MARCHF1: variants seen among roughly 807,000 people sequenced by gnomAD.
The protein encoded by MARCHF1 is E3 ubiquitin-protein ligase MARCHF1.
Under a neutral mutation model 54.2 loss-of-function variants are expected in MARCHF1, and 40 were observed. The ratio of observed to expected loss-of-function variants is 0.74; its 90% CI spans 0.57 to 0.96. The LOEUF (loss-of-function observed/expected upper bound fraction) is 0.96, where lower values mean the gene tolerates loss of function less well. Among genes scored for constraint, MARCHF1 ranks in the 40% least tolerant of loss-of-function variants. The pLI is 0.00. For synonymous variants in MARCHF1, 236 were observed against 236.3 expected (o/e 1.00, Z 0.01); for missense variants, 586 against 656.5 (o/e 0.89, Z 1.17).
intron 1 of MARCHF1, among the ~76,000 whole-genome samples, chr4:164,131,658 A>G (rs370159912): frequency 1.4e-4 from 22 of 152,256 alleles, no homozygotes; most frequent in African/African-American, 5.3e-4. Context: ...ATTAAGGAGA[A>G]GAGCAAATCT....
chr4:163,591,750 G>A (rs1000240422), intron 7 of MARCHF1, among the ~76,000 whole-genome samples: 2 of 152,002 alleles, frequency 1.3e-5, no homozygotes, highest in Non-Finnish European at 1.5e-5. Flanking sequence ...TTTATGTTTC[G>A]GGAAAATTCA....
intron 1 of MARCHF1, among the ~76,000 whole-genome samples, chr4:164,162,006 T>C (rs1730252654): frequency 6.6e-6 from 1 of 152,014 alleles, no homozygotes; most frequent in South Asian, 2.1e-4. Context: ...TAATCTCACA[T>C]TCATAAAAGC....
chr4:163,930,478 GTT>G (rs34173667), intron 3 of MARCHF1, among the ~76,000 whole-genome samples: 3 of 134,506 alleles, frequency 2.2e-5, no homozygotes, highest in African/African-American at 8.2e-5. Flanking sequence ...TGAAAATGGT[GTT>G]TTTTTTTTTT....
At chr4:163,553,160 G>A (rs755290180) in intron 8 of MARCHF1, among the ~76,000 whole-genome samples, 12 of 152,134 alleles carry the variant, frequency 7.9e-5, no homozygotes, top group Non-Finnish European at 1.5e-4. Flanking sequence ...CTGTAAAATG[G>A]TGATTAGAAT....
intron 2 of MARCHF1, among the ~76,000 whole-genome samples, chr4:164,084,970 T>G (rs1030682789): frequency 1.3e-5 from 2 of 151,774 alleles, no homozygotes; most frequent in African/African-American, 4.8e-5. Context: ...ATTAAATAAA[T>G]TTGCTTTTTA....
chr4:163,905,482 T>G (rs1751045144), intron 3 of MARCHF1, among the ~76,000 whole-genome samples: 1 of 152,102 alleles, frequency 6.6e-6, no homozygotes, highest in African/African-American at 2.4e-5. Flanking sequence ...AAGTTCACTT[T>G]GCATATATTT....
intron 4 of MARCHF1, among the ~76,000 whole-genome samples, chr4:163,750,423 A>G (rs923085276): frequency 4.6e-5 from 7 of 151,566 alleles, no homozygotes; most frequent in African/African-American, 1.2e-4. Context: ...GGGCAGGAGA[A>G]TCGCTTGAAC....
At chr4:163,730,321 C>T (rs1459055959) in intron 4 of MARCHF1, among the ~76,000 whole-genome samples, 2 of 152,120 alleles carry the variant, frequency 1.3e-5, no homozygotes, top group East Asian at 1.9e-4. Flanking sequence ...TTTCTCCCTT[C>T]AGCTCTTTGA....
At chr4:164,066,542 A>T (rs1290325168) in intron 2 of MARCHF1, among the ~76,000 whole-genome samples, 1 of 152,142 alleles carries the variant, frequency 6.6e-6, no homozygotes, top group East Asian at 1.9e-4. Flanking sequence ...AATACAAATA[A>T]TTGTATTATA....
At chr4:164,275,505 T>A (rs1733857095) in intron 1 of MARCHF1, among the ~76,000 whole-genome samples, 1 of 152,252 alleles carries the variant, frequency 6.6e-6, no homozygotes. Context: ...TAATTAATGA[T>A]GATTGTTCTA....
chr4:163,581,696 A>G (rs1383924663), intron 8 of MARCHF1, among the ~76,000 whole-genome samples: 1 of 152,228 alleles, frequency 6.6e-6, no homozygotes, highest in Non-Finnish European at 1.5e-5. Context: ...AGGCATGTCA[A>G]CTACAGCACT....
intron 2 of MARCHF1, among the ~76,000 whole-genome samples, chr4:164,007,646 C>CTCTCTGTGTGTG (rs1484621420): frequency 7.1e-6 from 1 of 139,918 alleles, no homozygotes; most frequent in Non-Finnish European, 1.5e-5. Context: ...CTCTCTCTCT[C>CTCTCTGTGTGTG]TGTGTGTGTG....
chr4:163,911,094 T>C (rs551834328), intron 3 of MARCHF1, among the ~76,000 whole-genome samples: 2 of 152,160 alleles, frequency 1.3e-5, no homozygotes, highest in South Asian at 4.1e-4. Context: ...ACTTTTATTT[T>C]AGATTCAGGG....
At chr4:163,736,198 C>T (rs1434703958) in intron 4 of MARCHF1, among the ~76,000 whole-genome samples, 1 of 151,940 alleles carries the variant, frequency 6.6e-6, no homozygotes, top group Non-Finnish European at 1.5e-5. Flanking sequence ...TTTGGGATAT[C>T]CTAATTGCCA....
chr4:164,042,183 A>G (rs1015269536), intron 2 of MARCHF1, among the ~76,000 whole-genome samples: 1 of 152,112 alleles, frequency 6.6e-6, no homozygotes, highest in African/African-American at 2.4e-5. Context: ...CAAGAATGAG[A>G]CCACTCTACC....
rs1219287700 is a variant in MARCHF1 at position 163,526,721 on chromosome 4, A to G, written c.*2027T>C. 1 of 151,994 alleles carries G rather than the reference A, an allele frequency of 6.6e-6. No homozygotes were observed. The highest frequency in any genetic ancestry group is 1.9e-4 in the East Asian group (1 of 5,192). 9.4% of individuals were successfully genotyped at this position (151,994 alleles called of 1,614,324 possible). On this transcript the variant is annotated 3_prime_UTR_variant, in exon 10 of 10. Transcript: ENST00000514618. ...TTTTTGGTTCAGTTTAGTTACCTCA[A>G]CTTTGCTTTCCCTGTGCTTATAACA...
intron 5 of MARCHF1, among the ~76,000 whole-genome samples, chr4:163,697,199 G>C (rs1744662880): frequency 6.6e-6 from 1 of 152,124 alleles, no homozygotes; most frequent in African/African-American, 2.4e-5. Context: ...TTTACTGGGG[G>C]CTGAGGGTGT....
rs138413534 is a variant in MARCHF1 at position 164,157,614 on chromosome 4, A to C, written c.-322-45952T>G. On this transcript the variant is annotated intron_variant, in intron 1 of 9. Transcript: ENST00000514618. ...GCTCTGAAACCTGTAGGGGAGTCCT[A>C]CTTTGTCTCTGTCTAGCATCTGGGT... 3.2e-3 allele frequency among the ~76,000 whole-genome samples: 487 copies of C among 152,248 alleles called. 1 individual carries two copies. The highest frequency in any genetic ancestry group is 0.011 in the African/African-American group (461 of 41,556).
At chr4:163,749,204 C>A (rs938990114) in intron 4 of MARCHF1, among the ~76,000 whole-genome samples, 3 of 143,274 alleles carry the variant, frequency 2.1e-5, no homozygotes, top group African/African-American at 7.6e-5. Context: ...TTTAAGTTAT[C>A]TTTTTCTGAG....
Sources: gnomAD v4.1 joint callset for allele counts (sites outside exome capture counted in the v4.1 genomes callset) on GRCh38, gnomAD v4.1.1 for gene constraint, MANE v1.5 for transcripts, NCBI Gene and HGNC (gene_info 2026-07-23, HGNC 2026-07-21) for gene names.